OGFOD3: variants seen among roughly 807,000 people sequenced by gnomAD.
The protein encoded by OGFOD3 is 2-oxoglutarate and iron-dependent oxygenase domain-containing protein 3.
A neutral mutation model predicts 39.8 loss-of-function variants in OGFOD3; 35 were observed. The ratio of observed to expected loss-of-function variants is 0.88; its 90% CI spans 0.67 to 1.17. The LOEUF is 1.17. Among genes scored for constraint, OGFOD3 ranks in the 50% most tolerant of loss-of-function variants. OGFOD3 has a pLI of 0.00. For synonymous variants in OGFOD3, 200 were observed against 192.0 expected (o/e 1.04, Z -0.34); for missense variants, 438 against 454.5 (o/e 0.96, Z 0.33).
intron 7 of OGFOD3, among the ~76,000 whole-genome samples, chr17:82,399,112 G>C (rs573453223): frequency 6.6e-6 from 1 of 152,254 alleles, no homozygotes; most frequent in South Asian, 2.1e-4. Context: ...CTGGGATTAC[G>C]CGCGTGAGTC....
chr17:82,411,435 G>A lies in OGFOD3; in HGVS notation c.380+20C>T. The A allele has an allele frequency of 6.2e-7, 1 of 1,610,470 alleles. No homozygotes were observed. The highest frequency in any genetic ancestry group is 8.5e-7 in the Non-Finnish European group (1 of 1,176,740). On this transcript the variant is annotated intron_variant, in intron 3 of 8. Coordinates refer to ENST00000313056, the MANE Select transcript of OGFOD3 (RefSeq NM_024648.3). ...CGTGTGTTTGTTTGAATCCCACCGTGCTCAGGGACAGGCGGTTACCTGCGA... is the reference window on the plus strand; with the variant it reads ...CGTGTGTTTGTTTGAATCCCACCGTACTCAGGGACAGGCGGTTACCTGCGA...
intron 2 of OGFOD3, among the ~76,000 whole-genome samples, chr17:82,414,974 A>C (rs1160737820): frequency 1.3e-5 from 2 of 151,880 alleles, no homozygotes; most frequent in African/African-American, 2.4e-5. Flanking sequence ...TGGAACCACC[A>C]CCTCCCGCAT....
chr17:82,418,297 C>CCCCCCCA (rs1465501400), intron 1 of OGFOD3, 115 bp downstream of exon 1: 1 of 69,664 alleles, frequency 1.4e-5, no homozygotes, highest in African/African-American at 1.1e-4. Flanking sequence ...CCCACCTGCC[C>CCCCCCCA]CCCCCCACCC....
intron 7 of OGFOD3, 174 bp downstream of exon 7, chr17:82,403,746 ACCCTGTCCACATGCGCG>A: frequency 1.4e-6 from 1 of 739,832 alleles, no homozygotes; most frequent in South Asian, 1.7e-5. Flanking sequence ...ATGCGCGCTC[ACCCTGTCCACATGCGCG>A]CTCACCCTGC....
intron 7 of OGFOD3, among the ~76,000 whole-genome samples, chr17:82,398,802 G>A (rs56238200): frequency 0.24 from 36,206 of 151,424 alleles, 5,546 homozygotes; most frequent in Non-Finnish European, 0.35. Flanking sequence ...TGAACTCCTG[G>A]CTTTAAACAA....
intron 8 of OGFOD3, among the ~76,000 whole-genome samples, chr17:82,397,126 G>C (rs2052684987): frequency 6.6e-6 from 1 of 152,208 alleles, no homozygotes; most frequent in East Asian, 1.9e-4. Flanking sequence ...GCAAACTGAA[G>C]TCGTAAACTA....
At chr17:82,402,099 C>G (rs1330303244) in intron 7 of OGFOD3, among the ~76,000 whole-genome samples, 2 of 152,114 alleles carry the variant, frequency 1.3e-5, no homozygotes. Flanking sequence ...TGCTATAATA[C>G]CATTCTTTGT....
intron 1 of OGFOD3, chr17:82,417,248 C>T (rs1163484920): frequency 6.6e-6 from 1 of 152,090 alleles, no homozygotes; most frequent in Non-Finnish European, 1.5e-5. Context: ...GGTAGTGGAT[C>T]CCCAGAACTT....
In OGFOD3 at chr17:82,416,727, A is replaced by G. The variant is rs142513246; in HGVS notation, c.75-1100T>C. Among the ~76,000 whole-genome samples, 1,420 of 151,918 alleles carry G rather than the reference A, an allele frequency of 9.3e-3. 24 individuals carry two copies. Among genetic ancestry groups the G allele is most frequent in the African/African-American group, 0.032 (1,338 of 41,442 alleles). Reference sequence around the variant, plus strand: ...CTCTTGTTGCCCAGGCTGGAGTGCAATGGCACGATCTTGGCTCACTGCAAC... The same window carrying G: ...CTCTTGTTGCCCAGGCTGGAGTGCAGTGGCACGATCTTGGCTCACTGCAAC... On this transcript the variant is annotated intron_variant, in intron 1 of 8. Transcript: ENST00000313056.
chr17:82,400,368 C>T lies in OGFOD3; in HGVS notation c.700-2049G>A, dbSNP rs117584854. On this transcript the variant is annotated intron_variant, in intron 7 of 8. Coordinates refer to ENST00000313056, the MANE Select transcript of OGFOD3 (RefSeq NM_024648.3). ...TCTGGGGAGACCAGAGTAAGACAGACGTCAAGTGAGCAAAGCCGCGTGCGG... is the reference window on the plus strand; with the variant it reads ...TCTGGGGAGACCAGAGTAAGACAGATGTCAAGTGAGCAAAGCCGCGTGCGG... 3.0e-4 allele frequency among the ~76,000 whole-genome samples: 45 copies of T among 152,246 alleles called. No homozygotes were observed. In the East Asian group the frequency reaches 6.8e-3, roughly 23 times the overall value.
chr17:82,394,550 A>G (rs764428897), intron 8 of OGFOD3: 2 of 1,603,582 alleles, frequency 1.2e-6, no homozygotes, highest in Admixed American at 3.4e-5. Flanking sequence ...CATCCTGGGG[A>G]CACAGGACAG....
At chr17:82,401,805 A>C (rs2052769396) in intron 7 of OGFOD3, among the ~76,000 whole-genome samples, 1 of 86,180 alleles carries the variant, frequency 1.2e-5, no homozygotes, top group Non-Finnish European at 3.5e-5. Flanking sequence ...CTCCATCTCA[A>C]AAAAAAAAAA....
chr17:82,394,434 G>T (rs778113658), intron 8 of OGFOD3: 2 of 1,613,564 alleles, frequency 1.2e-6, no homozygotes, highest in Middle Eastern at 3.3e-4. Flanking sequence ...CGGGCGGGTG[G>T]TGAGTCCCCG....
chr17:82,404,161 G>A lies in OGFOD3; in HGVS notation c.546-71C>T. Reference sequence around the variant, plus strand: ...GACGCTCGTGGGTCCCAACCCGTGGGTGGCAGGAAAGGAACCAGCCTTCGT... The same window carrying A: ...GACGCTCGTGGGTCCCAACCCGTGGATGGCAGGAAAGGAACCAGCCTTCGT... On this transcript the variant is annotated intron_variant, in intron 6 of 8. Transcript: ENST00000313056. This position sits in a 1 kb window ranked among gnomAD's most constrained non-coding sequence, Gnocchi z 4.5. The A allele has an allele frequency of 1.4e-6, 2 of 1,462,792 alleles. No individual in the cohort carries two copies. The highest frequency in any genetic ancestry group is 2.2e-4 in the Middle Eastern group (1 of 4,452). The allele number at this position is 1,462,792 out of a possible 1,614,324, so 90.6% of individuals were successfully genotyped here. A position where few individuals can be genotyped will look rare whatever the true frequency, so the allele number is the denominator to read the frequency against.
At chr17:82,416,325 A>AAAGGATGTTTAAAAGGGTTT (rs1351746520) in intron 1 of OGFOD3, among the ~76,000 whole-genome samples, 2 of 152,256 alleles carry the variant, frequency 1.3e-5, no homozygotes, top group Non-Finnish European at 2.9e-5. Flanking sequence ...GGGTTTGCTT[A>AAAGGATGTTTAAAAGGGTTT]GCAAAATGGG....
chr17:82,409,424 A>G lies in OGFOD3; in HGVS notation c.381-14T>C, dbSNP rs768731209. 6.2e-7 allele frequency: 1 copy of G among 1,613,550 alleles called. No individual in the cohort carries two copies. Among genetic ancestry groups the G allele is most frequent in the South Asian group, 1.1e-5 (1 of 91,066 alleles). ...TTTTCAGCTACGCTGCAGGGAGAAA[A>G]TAATTCAGAATTTCGTTGCTAGAAT... On this transcript the variant is annotated splice_polypyrimidine_tract_variant and intron_variant, in intron 3 of 8. Transcript: ENST00000313056.
At chr17:82,402,085 G>T (rs925925246) in intron 7 of OGFOD3, among the ~76,000 whole-genome samples, 1 of 152,070 alleles carries the variant, frequency 6.6e-6, no homozygotes. Flanking sequence ...CACCCTTAAA[G>T]AATTGCTATA....
At chr17:82,407,551 C>G (rs953011157) in intron 4 of OGFOD3, among the ~76,000 whole-genome samples, 8 of 152,236 alleles carry the variant, frequency 5.3e-5, no homozygotes, top group African/African-American at 1.9e-4. Context: ...GACCACCCAC[C>G]TCTCAGTCCT....
intron 2 of OGFOD3, among the ~76,000 whole-genome samples, chr17:82,414,882 C>A (rs759695555): frequency 1.3e-5 from 2 of 152,190 alleles, no homozygotes; most frequent in Non-Finnish European, 2.9e-5. Context: ...CCCGGTCAGA[C>A]CTGCTCCGAG....
Sources: allele counts gnomAD v4.1 joint callset (sites outside exome capture counted in the v4.1 genomes callset), GRCh38; gene constraint gnomAD v4.1.1; non-coding constraint Gnocchi (gnomAD v3.1); transcripts MANE v1.5; gene names NCBI Gene and HGNC (gene_info 2026-07-23, HGNC 2026-07-21).